The following SNX13 variants were observed in gnomAD, a reference collection of about 807,000 sequenced individuals.
The protein encoded by SNX13 is sorting nexin 13, also known as sorting nexin-13.
SNX13 carries 45 observed loss-of-function variants against 133.6 expected under a neutral mutation model. That is an observed-to-expected ratio of 0.34 (90% confidence interval 0.27 to 0.43). The LOEUF is 0.43. Ranked by LOEUF, SNX13 falls within the 20% of genes least tolerant of loss-of-function variation. The probability of loss-of-function intolerance (pLI) is 1.00; values close to 1 mark genes in which losing one functional copy is unlikely to be tolerated. For missense variants in SNX13, 1,032 were observed against 1,145.1 expected, an observed-to-expected ratio of 0.90 and a Z score of 1.43; for synonymous variants, 414 against 373.9, an observed-to-expected ratio of 1.11 and a Z score of -1.24.
At chr7:17,804,838 A>G (rs1785007059) in intron 20 of SNX13, among the ~76,000 whole-genome samples, 1 of 152,188 alleles carries the variant, frequency 6.6e-6, no homozygotes, top group African/African-American at 2.4e-5. Flanking sequence ...ACTGAATCTC[A>G]CTGCTTAGGA....
At chr7:17,827,333 CATATT>C (rs1788021516) in intron 16 of SNX13, among the ~76,000 whole-genome samples, 2 of 151,914 alleles carry the variant, frequency 1.3e-5, no homozygotes, top group African/African-American at 4.8e-5. Flanking sequence ...TTCACATATT[CATATT>C]ATATAACTCA....
At chr7:17,931,596 C>T (rs528975409) in intron 1 of SNX13, among the ~76,000 whole-genome samples, 1 of 152,304 alleles carries the variant, frequency 6.6e-6, no homozygotes, top group South Asian at 2.1e-4. Context: ...AATACCAATT[C>T]AGGTTTAAAT....
Position 17,834,063 on chromosome 7 carries a change from T to G in SNX13, c.1586A>C (p.Asp529Ala). 6.4e-7 allele frequency: 1 copy of G among 1,567,350 alleles called. No individual in the cohort carries two copies. The highest frequency in any genetic ancestry group is 8.7e-7 in the Non-Finnish European group (1 of 1,151,522). ...LKDPSFRGSD[D>A]GDGESFNGSP... Reference sequence around the variant, plus strand: ...GGGTGCCACCTTACCTCCATCCCCATCATCGGATCCTCTGAAACTAGGATC... The same window carrying G: ...GGGTGCCACCTTACCTCCATCCCCAGCATCGGATCCTCTGAAACTAGGATC... The change falls in exon 15 of 26, where the codon GAT (aspartate) becomes GCT (alanine). Residue 529 changes from aspartate to alanine, a missense_variant. Coordinates refer to ENST00000428135, the MANE Select transcript of SNX13 (RefSeq NM_015132.5).
At chr7:17,921,649 C>T (rs1031932272) in intron 1 of SNX13, among the ~76,000 whole-genome samples, 4 of 152,174 alleles carry the variant, frequency 2.6e-5, no homozygotes, top group African/African-American at 4.8e-5. Context: ...TGCCCATTAG[C>T]ATTACCTGGG....
chr7:17,912,463 G>A (rs1483296020), intron 1 of SNX13, among the ~76,000 whole-genome samples: 1 of 151,644 alleles, frequency 6.6e-6, no homozygotes, highest in African/African-American at 2.4e-5. Flanking sequence ...AGGTTGGAGT[G>A]CCGTGGCATG....
At chr7:17,831,083 A>AGTGT in intron 15 of SNX13, 1 of 984,440 alleles carries the variant, frequency 1.0e-6, no homozygotes. Flanking sequence ...CCTCTTCTGT[A>AGTGT]GTGTGCCCAC....
chr7:17,930,226 C>T (rs1367312764), intron 1 of SNX13, among the ~76,000 whole-genome samples: 1 of 152,150 alleles, frequency 6.6e-6, no homozygotes, highest in Non-Finnish European at 1.5e-5. Context: ...GAGGTCAGTA[C>T]CATTCATTTA....
chr7:17,896,099 T>A (rs1164241386), intron 2 of SNX13, among the ~76,000 whole-genome samples: 1 of 152,206 alleles, frequency 6.6e-6, no homozygotes, highest in African/African-American at 2.4e-5. Flanking sequence ...TCGCCTTAAC[T>A]GTGACTGAGA....
Position 17,875,601 on chromosome 7 carries a change from G to C in SNX13, c.563-20C>G. ...CTGTACCTAAAGAAAAACAATTCAA[G>C]ATATATAAAATGATGAAAGGAAAAC... On this transcript the variant is annotated intron_variant, in intron 6 of 25. Coordinates refer to ENST00000428135, the MANE Select transcript of SNX13 (RefSeq NM_015132.5). The C allele has an allele frequency of 6.2e-7, 1 of 1,609,090 alleles. No homozygotes were observed. Among genetic ancestry groups the C allele is most frequent in the East Asian group, 2.2e-5 (1 of 44,766 alleles).
At chr7:17,842,591 T>C (rs1008900703) in intron 12 of SNX13, among the ~76,000 whole-genome samples, 2 of 152,072 alleles carry the variant, frequency 1.3e-5, no homozygotes, top group African/African-American at 4.8e-5. Context: ...TTTGTAACTC[T>C]ATTTTTTTGT....
chr7:17,930,303 G>A (rs1012045464), intron 1 of SNX13, among the ~76,000 whole-genome samples: 3 of 152,056 alleles, frequency 2.0e-5, no homozygotes, highest in African/African-American at 2.4e-5. Flanking sequence ...CAAAATGCTC[G>A]GAATCGAGAA....
At position 17,798,729 on chromosome 7, in the gene SNX13, G is replaced by A; in HGVS notation, c.2474C>T (p.Thr825Ile). The change falls in exon 24 of 26, where the codon ACT becomes ATT. Residue 825 changes from threonine to isoleucine, a missense_variant. By Grantham distance (89) the Thr-to-Ile change is moderately conservative (BLOSUM62 -1). Transcript: ENST00000428135. ...TGAGTCGGCTACTTGTTCAGGTGAA[G>A]TCATCCAGTCAACATGGTCAACTAT... is the stretch of plus-strand genomic sequence containing the variant. ...RKIVDHVDWM[T>I]SPEQVADSVK... 6.4e-7 allele frequency: 1 copy of A among 1,568,096 alleles called. No individual in the cohort carries two copies. Among genetic ancestry groups the A allele is most frequent in the Non-Finnish European group, 8.6e-7 (1 of 1,161,446 alleles).
chr7:17,854,465 GT>G, intron 9 of SNX13, among the ~76,000 whole-genome samples: 1 of 152,046 alleles, frequency 6.6e-6, no homozygotes, highest in African/African-American at 2.4e-5. Context: ...ATCACACTGT[GT>G]TTTTTTTAAC....
At chr7:17,874,109 G>C (rs1389130209) in intron 7 of SNX13, among the ~76,000 whole-genome samples, 1 of 152,180 alleles carries the variant, frequency 6.6e-6, no homozygotes, top group Non-Finnish European at 1.5e-5. Context: ...TTGCACATCA[G>C]TATATCTATG....
chr7:17,805,270 C>T (rs1226185562), intron 20 of SNX13, among the ~76,000 whole-genome samples: 2 of 141,700 alleles, frequency 1.4e-5, no homozygotes, highest in South Asian at 2.2e-4. Flanking sequence ...CGCGCGCATG[C>T]ATGCACATGT....
At chr7:17,935,212 G>A (rs1004709490) in intron 1 of SNX13, among the ~76,000 whole-genome samples, 24 of 152,192 alleles carry the variant, frequency 1.6e-4, no homozygotes, top group African/African-American at 5.8e-4. Context: ...TCTGTCACTT[G>A]CTACAACATG....
chr7:17,791,525 A>G lies in SNX13; in HGVS notation c.*2520T>C, dbSNP rs1194507426. The G allele has an allele frequency of 6.6e-6, 1 of 152,018 alleles. No homozygotes were observed. Among genetic ancestry groups the G allele is most frequent in the Non-Finnish European group, 1.5e-5 (1 of 67,914 alleles). The allele number at this position is 152,018 out of a possible 1,614,324, so 9.4% of individuals were successfully genotyped here. A position where few individuals can be genotyped will look rare whatever the true frequency, so the allele number is the denominator to read the frequency against. On this transcript the variant is annotated 3_prime_UTR_variant, in exon 26 of 26. Transcript: ENST00000428135. ...ATTTAAATAATACAATCAATTTTTTAAGGTGAATAAACTATGATGGTTTCT... is the reference window on the plus strand; with the variant it reads ...ATTTAAATAATACAATCAATTTTTTGAGGTGAATAAACTATGATGGTTTCT...
intron 1 of SNX13, among the ~76,000 whole-genome samples, chr7:17,912,588 TC>T (rs1280247133): frequency 6.6e-6 from 1 of 152,016 alleles, no homozygotes; most frequent in Non-Finnish European, 1.5e-5. Context: ...TTTCTGTATT[TC>T]TAGTAGAGAC....
intron 1 of SNX13, among the ~76,000 whole-genome samples, chr7:17,931,957 T>C (rs1035028992): frequency 6.6e-6 from 1 of 152,212 alleles, no homozygotes; most frequent in African/African-American, 2.4e-5. Context: ...GTTAAGAGAC[T>C]GTGGTAGCAG....
Sources: allele counts gnomAD v4.1 joint callset (sites outside exome capture counted in the v4.1 genomes callset), GRCh38; gene constraint gnomAD v4.1.1; transcripts MANE v1.5; gene names NCBI Gene and HGNC (gene_info 2026-07-23, HGNC 2026-07-21).